The following SLIT3 variants were observed in gnomAD, a reference collection of about 807,000 sequenced individuals.
The protein encoded by SLIT3 is slit homolog 3 protein.
A neutral mutation model predicts 184.0 loss-of-function variants in SLIT3; 68 were observed. The ratio of observed to expected loss-of-function variants is 0.37; its 90% CI spans 0.30 to 0.45. The LOEUF (loss-of-function observed/expected upper bound fraction) is 0.45. Ranked by LOEUF, SLIT3 falls within the 20% of genes least tolerant of loss-of-function variation. The pLI is 1.00. For synonymous variants in SLIT3, 831 were observed against 828.6 expected (o/e 1.00, Z -0.05); for missense variants, 1,707 against 2,026.0 (o/e 0.84, Z 3.02).
chr5:169,257,664 T>G (rs1581109492), intron 1 of SLIT3, among the ~76,000 whole-genome samples: 1 of 146,966 alleles, frequency 6.8e-6, no homozygotes, highest in Admixed American at 6.9e-5. Flanking sequence ...CTCCTTCTCC[T>G]GCCTCAGCCT....
At chr5:169,092,376 A>T (rs1229608765) in intron 4 of SLIT3, among the ~76,000 whole-genome samples, 1 of 152,092 alleles carries the variant, frequency 6.6e-6, no homozygotes, top group Non-Finnish European at 1.5e-5. Flanking sequence ...GGACATATGG[A>T]CCATAGCGGA....
At chr5:169,109,824 C>T (rs1252146878) in intron 4 of SLIT3, among the ~76,000 whole-genome samples, 2 of 152,174 alleles carry the variant, frequency 1.3e-5, no homozygotes, top group Non-Finnish European at 2.9e-5. Flanking sequence ...AGGCTCTGAG[C>T]TCTTCAAGGG....
At position 168,976,950 on chromosome 5, in the gene SLIT3, G is replaced by A. The variant is rs1309218043; in HGVS notation, c.414-93614C>T. The stretch of plus-strand genomic sequence containing the variant: ...GGCGAAGCCAACACACACCAGGGAG[G>A]TAATTACACAGAGCTGGGGTGGGGG... On this transcript the variant is annotated intron_variant, in intron 4 of 35. Transcript: ENST00000519560. Among the ~76,000 whole-genome samples the A allele has an allele frequency of 4.0e-5, 6 of 151,658 alleles. No homozygotes were observed. In the South Asian group the frequency reaches 8.3e-4, roughly 21 times the overall value.
At chr5:168,699,818 C>T (rs1294706703) in intron 27 of SLIT3, among the ~76,000 whole-genome samples, 1 of 152,134 alleles carries the variant, frequency 6.6e-6, no homozygotes, top group Admixed American at 6.5e-5. Context: ...TGGTACCTGG[C>T]ATAGTGAGCA....
At chr5:168,766,677 C>T (rs1755357299) in intron 14 of SLIT3, among the ~76,000 whole-genome samples, 1 of 152,232 alleles carries the variant, frequency 6.6e-6, no homozygotes, top group Non-Finnish European at 1.5e-5. Flanking sequence ...TATGGACCCA[C>T]TCCCAGAGGC....
chr5:168,887,668 G>A (rs752578656), intron 4 of SLIT3, among the ~76,000 whole-genome samples: 4 of 152,104 alleles, frequency 2.6e-5, no homozygotes, highest in Non-Finnish European at 5.9e-5. Context: ...TACGGATAGT[G>A]CGCCCAGAAA....
rs1766961442 is a variant in SLIT3, at chr5:169,280,496, G to T, written c.197+20017C>A. Among the ~76,000 whole-genome samples, 3 of 152,334 alleles carry T rather than the reference G, an allele frequency of 2.0e-5. No homozygotes were observed. The South Asian group carries it at 6.2e-4, about 32-fold the overall frequency. On this transcript the variant is annotated intron_variant, in intron 1 of 35. Coordinates refer to ENST00000519560, the MANE Select transcript of SLIT3 (RefSeq NM_003062.4). ...ACACACCAGCTGGCCCCTCGGCTAT[G>T]TGGGAGTGTGTGAGCAGCCCTTGGA... is the stretch of plus-strand genomic sequence containing the variant.
At chr5:169,208,001 G>T (rs533891274) in intron 3 of SLIT3, among the ~76,000 whole-genome samples, 4 of 152,188 alleles carry the variant, frequency 2.6e-5, no homozygotes, top group African/African-American at 7.2e-5. Flanking sequence ...ATAGCAGCTG[G>T]AATGGACTAA....
chr5:168,894,188 AC>A (rs548097005), intron 4 of SLIT3, among the ~76,000 whole-genome samples: 56 of 152,324 alleles, frequency 3.7e-4, no homozygotes, highest in African/African-American at 1.3e-3. Context: ...CTACCTGGGC[AC>A]AGGAAAGAGT....
chr5:168,725,870 G>T (rs766106779), intron 20 of SLIT3, among the ~76,000 whole-genome samples: 1 of 152,204 alleles, frequency 6.6e-6, no homozygotes, highest in Non-Finnish European at 1.5e-5. Context: ...AGGTGTCAAT[G>T]ACTGAACCAG....
chr5:169,255,381 G>A (rs1405845527), intron 1 of SLIT3, among the ~76,000 whole-genome samples: 4 of 152,186 alleles, frequency 2.6e-5, no homozygotes, highest in Non-Finnish European at 5.9e-5. Flanking sequence ...TGTGGAGGCA[G>A]AAGACAGTGA....
chr5:169,238,177 G>T (rs563025093), intron 3 of SLIT3, among the ~76,000 whole-genome samples: 4 of 152,088 alleles, frequency 2.6e-5, no homozygotes, highest in African/African-American at 7.2e-5. Context: ...CTTCAGTATT[G>T]TATTGGCAGT....
intron 24 of SLIT3, among the ~76,000 whole-genome samples, chr5:168,711,654 T>A (rs1762564851): frequency 6.6e-6 from 1 of 152,148 alleles, no homozygotes; most frequent in Non-Finnish European, 1.5e-5. Context: ...ATAGAAGGAA[T>A]ACAAACTCGA....
At chr5:168,975,510 C>G (rs1754722599) in intron 4 of SLIT3, among the ~76,000 whole-genome samples, 1 of 152,084 alleles carries the variant, frequency 6.6e-6, no homozygotes, top group Non-Finnish European at 1.5e-5. Context: ...GACATCTGCA[C>G]AGACACAGCC....
intron 4 of SLIT3, among the ~76,000 whole-genome samples, chr5:168,897,646 G>GCGCGCACACA: frequency 9.5e-6 from 1 of 105,382 alleles, no homozygotes; most frequent in African/African-American, 4.2e-5. Flanking sequence ...ACAGGTGCAC[G>GCGCGCACACA]TACACACACA....
chr5:168,751,036 G>A (rs1754678964), intron 18 of SLIT3, among the ~76,000 whole-genome samples: 1 of 151,926 alleles, frequency 6.6e-6, no homozygotes, highest in African/African-American at 2.4e-5. Flanking sequence ...AAAGGTGGAA[G>A]GGAGAGAGGC....
At chr5:168,700,483 A>C (rs1187168403) in intron 27 of SLIT3, 99 bp downstream of exon 27, 3 of 861,382 alleles carry the variant, frequency 3.5e-6, no homozygotes, top group African/African-American at 3.3e-5. Flanking sequence ...GAGTCCTTTA[A>C]ACTTCTTTCC....
chr5:168,967,865 C>T (rs1005523172), intron 4 of SLIT3, among the ~76,000 whole-genome samples: 1 of 152,172 alleles, frequency 6.6e-6, no homozygotes, highest in African/African-American at 2.4e-5. Context: ...CTCTACTTCC[C>T]ACCATGCAAG....
At chr5:168,962,239 G>C (rs1449275122) in intron 4 of SLIT3, among the ~76,000 whole-genome samples, 1 of 151,722 alleles carries the variant, frequency 6.6e-6, no homozygotes, top group Admixed American at 6.6e-5. Context: ...GAGAGCACAA[G>C]CATTCTGCCC....
Sources: allele counts gnomAD v4.1 joint callset (sites outside exome capture counted in the v4.1 genomes callset), GRCh38; gene constraint gnomAD v4.1.1; transcripts MANE v1.5; gene names NCBI Gene and HGNC (gene_info 2026-07-23, HGNC 2026-07-21).